TMEM132D: variants seen among roughly 807,000 people sequenced by gnomAD.
TMEM132D encodes the protein transmembrane protein 132D.
Under a neutral mutation model 62.3 loss-of-function variants are expected in TMEM132D, and 21 were observed. The ratio of observed to expected loss-of-function variants is 0.34; its 90% CI spans 0.24 to 0.49. TMEM132D has a LOEUF of 0.49. TMEM132D is among the 20% of genes least tolerant of loss of function. TMEM132D has a pLI of 0.99. For synonymous variants in TMEM132D, 621 were observed against 575.6 expected, an observed-to-expected ratio of 1.08 and a Z score of -1.13; for missense variants, 1,346 against 1,402.8, an observed-to-expected ratio of 0.96 and a Z score of 0.65.
intron 2 of TMEM132D, among the ~76,000 whole-genome samples, chr12:129,546,512 G>A (rs1214292847): frequency 6.6e-6 from 1 of 152,158 alleles, no homozygotes; most frequent in Non-Finnish European, 1.5e-5. Context: ...GTAATTCACA[G>A]CAAGCAAGGA....
At chr12:129,501,647 G>A (rs1317894170) in intron 3 of TMEM132D, among the ~76,000 whole-genome samples, 1 of 152,030 alleles carries the variant, frequency 6.6e-6, no homozygotes, top group South Asian at 2.1e-4. Flanking sequence ...TGGGCCTATA[G>A]ATGCACACCA....
intron 3 of TMEM132D, among the ~76,000 whole-genome samples, chr12:129,443,597 A>G (rs7138435): frequency 0.35 from 52,924 of 150,998 alleles, 10,115 homozygotes; most frequent in East Asian, 0.79. Context: ...CTCTTTCTCT[A>G]TTCTTTCCAT....
At chr12:129,177,466 A>C (rs1193576905) in intron 5 of TMEM132D, among the ~76,000 whole-genome samples, 28 of 152,184 alleles carry the variant, frequency 1.8e-4, no homozygotes, top group Non-Finnish European at 2.9e-5. Flanking sequence ...GGATGTTTAA[A>C]AGTATATGTG....
chr12:129,399,757 A>G (rs1871559594), intron 3 of TMEM132D, among the ~76,000 whole-genome samples: 1 of 152,228 alleles, frequency 6.6e-6, no homozygotes, highest in Admixed American at 6.5e-5. Flanking sequence ...TTTTGAAAAT[A>G]GAAAGCAAAG....
chr12:129,805,535 C>A (rs1243452299), intron 1 of TMEM132D, among the ~76,000 whole-genome samples: 8 of 152,020 alleles, frequency 5.3e-5, no homozygotes, highest in Non-Finnish European at 1.0e-4. Context: ...TTATACAAAA[C>A]TCAATTCAAG....
At chr12:129,337,942 T>C in intron 3 of TMEM132D, 125 bp from the exon 4 acceptor site, 2 of 967,670 alleles carry the variant, frequency 2.1e-6, no homozygotes, top group South Asian at 3.6e-5. Flanking sequence ...CGCACACATC[T>C]CTGCAAAGAG....
At chr12:129,554,357 G>A (rs1035856281) in intron 2 of TMEM132D, among the ~76,000 whole-genome samples, 2 of 152,140 alleles carry the variant, frequency 1.3e-5, no homozygotes, top group African/African-American at 4.8e-5. Flanking sequence ...GTTTCAATAT[G>A]GAAAATTCAT....
intron 1 of TMEM132D, among the ~76,000 whole-genome samples, chr12:129,776,532 G>A (rs1870929541): frequency 6.6e-6 from 1 of 151,788 alleles, no homozygotes; most frequent in Non-Finnish European, 1.5e-5. Flanking sequence ...TAGTAAAAAG[G>A]AAAAAGCCGA....
intron 2 of TMEM132D, among the ~76,000 whole-genome samples, chr12:129,565,822 A>C (rs767269198): frequency 3.9e-5 from 6 of 152,182 alleles, no homozygotes; most frequent in Non-Finnish European, 8.8e-5. Context: ...TCTTTCTCCT[A>C]AGAAGACTGA....
chr12:129,527,504 A>G (rs11060399), intron 3 of TMEM132D, among the ~76,000 whole-genome samples: 68,950 of 151,924 alleles, frequency 0.45, 15,846 homozygotes, highest in East Asian at 0.5. Flanking sequence ...AAAAGAGATG[A>G]ACTTCTCTTC....
intron 3 of TMEM132D, among the ~76,000 whole-genome samples, chr12:129,417,286 C>A (rs1405193602): frequency 6.6e-6 from 1 of 152,126 alleles, no homozygotes; most frequent in African/African-American, 2.4e-5. Flanking sequence ...ATCATACTAC[C>A]TGACTTCAAG....
chr12:129,670,035 A>G (rs992835494), intron 2 of TMEM132D, among the ~76,000 whole-genome samples: 1 of 152,090 alleles, frequency 6.6e-6, no homozygotes, highest in African/African-American at 2.4e-5. Flanking sequence ...GCCTTTTCCC[A>G]TCTTCACAGC....
chr12:129,622,673 T>C (rs1320723263), intron 2 of TMEM132D, among the ~76,000 whole-genome samples: 1 of 152,226 alleles, frequency 6.6e-6, no homozygotes, highest in Non-Finnish European at 1.5e-5. Flanking sequence ...AGTGCAGACA[T>C]GCTTGGTTTC....
chr12:129,655,629 G>C (rs912503161), intron 2 of TMEM132D, among the ~76,000 whole-genome samples: 5 of 150,794 alleles, frequency 3.3e-5, no homozygotes, highest in Admixed American at 1.3e-4. Flanking sequence ...TTCACCTAAG[G>C]CCACCGAGAG....
At chr12:129,744,401 G>A (rs1048312073) in intron 1 of TMEM132D, among the ~76,000 whole-genome samples, 3 of 152,198 alleles carry the variant, frequency 2.0e-5, no homozygotes, top group Non-Finnish European at 4.4e-5. Context: ...AAAAGTGGGT[G>A]TGGGAAGGAG....
intron 5 of TMEM132D, among the ~76,000 whole-genome samples, chr12:129,172,959 G>A (rs954284838): frequency 6.6e-6 from 1 of 152,198 alleles, no homozygotes; most frequent in East Asian, 1.9e-4. Flanking sequence ...GGTTGGTGGA[G>A]CAGTCAGAAG....
intron 3 of TMEM132D, among the ~76,000 whole-genome samples, chr12:129,508,810 C>T (rs866369346): frequency 2.1e-4 from 32 of 152,072 alleles, no homozygotes; most frequent in Middle Eastern, 3.4e-3. Context: ...AAGGGGGATA[C>T]GCATTGATGA....
chr12:129,432,123 G>GTGGATGGA (rs113591569), intron 3 of TMEM132D, among the ~76,000 whole-genome samples: 4,486 of 145,138 alleles, frequency 0.031, 170 homozygotes, highest in African/African-American at 0.088. Context: ...GGATGGATAG[G>GTGGATGGA]TGGATGGATG....
At chr12:129,639,779 A>G (rs1050179741) in intron 2 of TMEM132D, among the ~76,000 whole-genome samples, 2 of 152,184 alleles carry the variant, frequency 1.3e-5, no homozygotes, top group Non-Finnish European at 1.5e-5. Context: ...ATGAGAACCT[A>G]GGCCCAAAAG....
Sources: gnomAD v4.1 joint callset for allele counts (sites outside exome capture counted in the v4.1 genomes callset) on GRCh38, gnomAD v4.1.1 for gene constraint, MANE v1.5 for transcripts, NCBI Gene and HGNC (gene_info 2026-07-23, HGNC 2026-07-21) for gene names.